Variants in DGKG observed in about 807,000 individuals in gnomAD.
DGKG encodes diacylglycerol kinase gamma.
A neutral mutation model predicts 105.3 loss-of-function variants in DGKG; 78 were observed. The observed-to-expected ratio is 0.74, with a 90% CI of 0.62 to 0.89. The LOEUF (loss-of-function observed/expected upper bound fraction) is 0.89. Among genes scored for constraint, DGKG ranks in the 40% least tolerant of loss-of-function variants. The pLI is 0.00. For synonymous variants in DGKG, 346 were observed against 367.1 expected (o/e 0.94, Z 0.66); for missense variants, 958 against 1,020.1 (o/e 0.94, Z 0.83).
chr3:186,204,360 C>T (rs539336373), intron 21 of DGKG, among the ~76,000 whole-genome samples: 4 of 152,182 alleles, frequency 2.6e-5, no homozygotes, highest in East Asian at 1.9e-4. Flanking sequence ...AAGCTGAGAT[C>T]GCGCCACTGC....
At chr3:186,346,655 G>GCTATA (rs144977237) in intron 1 of DGKG, among the ~76,000 whole-genome samples, 15,465 of 151,322 alleles carry the variant, frequency 0.1, 830 homozygotes, top group Middle Eastern at 0.16. Flanking sequence ...GAGTAACTAT[G>GCTATA]CTATACTATA....
At chr3:186,352,570 C>T (rs2108674636) in intron 1 of DGKG, among the ~76,000 whole-genome samples, 1 of 152,220 alleles carries the variant, frequency 6.6e-6, no homozygotes, top group South Asian at 2.1e-4. Context: ...TGTTACCTAA[C>T]CCCACACCTG....
At chr3:186,217,906 C>G (rs1463325357) in intron 20 of DGKG, among the ~76,000 whole-genome samples, 1 of 152,170 alleles carries the variant, frequency 6.6e-6, no homozygotes, top group East Asian at 1.9e-4. Context: ...GAAATAGAAG[C>G]CCTTGAAGTG....
In DGKG at chr3:186,148,643, C is replaced by T. The variant is rs928862518; in HGVS notation, c.*1447G>A. ...GGCACCTACTCTCAAGCTGCATTAGCCAAGACACCATGGAAAAGTCTCTGA... is the reference window on the plus strand; with the variant it reads ...GGCACCTACTCTCAAGCTGCATTAGTCAAGACACCATGGAAAAGTCTCTGA... On this transcript the variant is annotated 3_prime_UTR_variant, in exon 25 of 25. Transcript: ENST00000265022. 5 of 985,206 alleles carry T rather than the reference C, an allele frequency of 5.1e-6. No homozygotes were observed. In the African/African-American group the frequency reaches 7.0e-5, roughly 14 times the overall value. The allele number at this position is 985,206 out of a possible 1,614,324, so 61.0% of individuals were successfully genotyped here. A position where few individuals can be genotyped will look rare whatever the true frequency, so the allele number is the denominator to read the frequency against.
chr3:186,275,641 G>A lies in DGKG; in HGVS notation c.816C>T (p.His272=), dbSNP rs149782895. The change falls in exon 10 of 25, where the codon CAC becomes CAT. Residue 272 remains histidine, a synonymous_variant. Coordinates refer to ENST00000265022, the MANE Select transcript of DGKG (RefSeq NM_001346.3). The part of the protein sequence containing the change: ...DDSGSKGDGR[H]AWTMKHFKKP... ...TCTTGAAGTGCTTCATGGTCCAGGCGTGCCGCCCATCCCCCTTGGAGCCCT... is the reference window on the plus strand; with the variant it reads ...TCTTGAAGTGCTTCATGGTCCAGGCATGCCGCCCATCCCCCTTGGAGCCCT... 3.0e-4 allele frequency: 489 copies of A among 1,613,842 alleles called. No homozygotes were observed. The highest frequency in any genetic ancestry group is 3.9e-4 in the Non-Finnish European group (462 of 1,180,020).
intron 14 of DGKG, among the ~76,000 whole-genome samples, chr3:186,262,907 T>C (rs953672818): frequency 1.3e-5 from 2 of 152,080 alleles, no homozygotes; most frequent in Admixed American, 6.5e-5. Context: ...GGCAGGAGCA[T>C]CACAAGGTCA....
At chr3:186,354,598 A>C (rs911615633) in intron 1 of DGKG, among the ~76,000 whole-genome samples, 2 of 152,178 alleles carry the variant, frequency 1.3e-5, no homozygotes, top group African/African-American at 2.4e-5. Context: ...ACTTTTCTAG[A>C]TGCCTCCATT....
chr3:186,229,168 G>T (rs917288648), intron 20 of DGKG, among the ~76,000 whole-genome samples: 1 of 152,014 alleles, frequency 6.6e-6, no homozygotes, highest in African/African-American at 2.4e-5. Context: ...TAGAAGCAAG[G>T]AGAGAGGCAC....
chr3:186,164,849 G>A (rs767224566), intron 23 of DGKG, 49 bp downstream of exon 23: 46 of 1,574,930 alleles, frequency 2.9e-5, no homozygotes, highest in Non-Finnish European at 4.0e-5. Flanking sequence ...GCATGAATGT[G>A]TACGCAGGCG....
intron 1 of DGKG, among the ~76,000 whole-genome samples, chr3:186,344,338 A>T (rs148110078): frequency 3.3e-4 from 50 of 152,360 alleles, no homozygotes; most frequent in African/African-American, 1.1e-3. Context: ...ATGAGCATAA[A>T]TGCTCATCAG....
intron 13 of DGKG, among the ~76,000 whole-genome samples, chr3:186,266,329 G>A (rs1368901044): frequency 1.3e-5 from 2 of 152,202 alleles, no homozygotes; most frequent in South Asian, 2.1e-4. Context: ...CCATTGCAAT[G>A]TAGTTTCCCA....
chr3:186,306,531 A>G (rs943892186), intron 3 of DGKG, among the ~76,000 whole-genome samples: 7 of 152,140 alleles, frequency 4.6e-5, no homozygotes, highest in African/African-American at 1.7e-4. Flanking sequence ...TGGAGAGGTC[A>G]TCTCTGGTTA....
chr3:186,328,590 T>A (rs1186394343), intron 1 of DGKG, among the ~76,000 whole-genome samples: 1 of 151,564 alleles, frequency 6.6e-6, no homozygotes, highest in Non-Finnish European at 1.5e-5. Flanking sequence ...TTTTTTTTTT[T>A]CTTGAGATGG....
chr3:186,173,554 G>A (rs982109674), intron 22 of DGKG, among the ~76,000 whole-genome samples: 1 of 152,234 alleles, frequency 6.6e-6, no homozygotes, highest in Non-Finnish European at 1.5e-5. Context: ...ATGTCCTCGG[G>A]CTCCTCTCCT....
chr3:186,286,905 G>T (rs1560134612), intron 6 of DGKG, among the ~76,000 whole-genome samples: 3 of 151,976 alleles, frequency 2.0e-5, no homozygotes, highest in Admixed American at 6.6e-5. Flanking sequence ...GTAGCGGCGG[G>T]CACCTGTAAT....
At chr3:186,262,120 C>T (rs111815921) in intron 14 of DGKG, among the ~76,000 whole-genome samples, 34 of 152,282 alleles carry the variant, frequency 2.2e-4, no homozygotes, top group Middle Eastern at 6.8e-3. Flanking sequence ...TTAGAAAGCA[C>T]GGCCGTCTGA....
intron 19 of DGKG, among the ~76,000 whole-genome samples, chr3:186,242,965 C>T (rs1720760155): frequency 6.6e-6 from 1 of 152,090 alleles, no homozygotes; most frequent in South Asian, 2.1e-4. Flanking sequence ...AATGACTTTC[C>T]ATACTAGTTC....
At chr3:186,260,745 C>T (rs1459985454) in intron 15 of DGKG, among the ~76,000 whole-genome samples, 1 of 152,236 alleles carries the variant, frequency 6.6e-6, no homozygotes, top group Non-Finnish European at 1.5e-5. Flanking sequence ...TAGACTCCAG[C>T]TCCTAAGCCC....
intron 1 of DGKG, among the ~76,000 whole-genome samples, chr3:186,345,825 A>C (rs1022001274): frequency 2.0e-5 from 3 of 152,302 alleles, no homozygotes; most frequent in Admixed American, 6.5e-5. Flanking sequence ...GCTGGAGTGC[A>C]GTGGCGCGAT....
Sources: gnomAD v4.1 joint callset for allele counts (sites outside exome capture counted in the v4.1 genomes callset) on GRCh38, gnomAD v4.1.1 for gene constraint, MANE v1.5 for transcripts, NCBI Gene and HGNC (gene_info 2026-07-23, HGNC 2026-07-21) for gene names.